The following ZDBF2 variants were observed in gnomAD, a reference collection of about 807,000 sequenced individuals.
ZDBF2 encodes the protein DBF4-type zinc finger-containing protein 2.
A neutral mutation model predicts 9.4 loss-of-function variants in ZDBF2; 6 were observed. The observed-to-expected ratio is 0.64, with a 90% CI of 0.35 to 1.27. The LOEUF is 1.27. Among genes scored for constraint, ZDBF2 ranks in the 50% most tolerant of loss-of-function variants. The pLI, the probability that ZDBF2 is intolerant of heterozygous loss-of-function variation, is 0.03. For missense variants in ZDBF2, 2,697 were observed against 2,766.8 expected (o/e 0.97, Z 0.57); for synonymous variants, 905 against 946.3 (o/e 0.96, Z 0.80).
chr2:206,276,348 G>A (rs1385941648), intron 1 of ZDBF2, among the ~76,000 whole-genome samples: 1 of 152,030 alleles, frequency 6.6e-6, no homozygotes, highest in East Asian at 1.9e-4. Flanking sequence ...GTGTGTGCTC[G>A]GTTGTAATTA....
chr2:206,310,369 G>T lies in ZDBF2; in HGVS notation c.5841G>T (p.Gln1947His), dbSNP rs1333530847. 1.2e-6 allele frequency: 2 copies of T among 1,613,916 alleles called. No homozygotes were observed. The highest frequency in any genetic ancestry group is 3.3e-5 in the Admixed American group (2 of 60,010). Residue 1947 changes from glutamine (Q) to histidine (H), a missense_variant, in exon 5 of 5, where the codon CAG becomes CAT. Physicochemically the swap from Gln to His is conservative, Grantham distance 24. Around this residue, in one of 3 missense-constraint regions of ZDBF2, gnomAD observed 1,783 missense variants for 1,776.5 expected, o/e 1.00. Transcript: ENST00000374423. ...CQTAKISHST[Q>H]TSCKNYPVMK... ...CAGCGAAAATCAGCCATAGTACTCA[G>T]ACCAGTTGTAAGAATTACCCAGTGA...
chr2:206,299,645 T>A (rs1305892379), intron 4 of ZDBF2, among the ~76,000 whole-genome samples: 3 of 151,272 alleles, frequency 2.0e-5, no homozygotes, highest in East Asian at 2.0e-4. Flanking sequence ...AAAAAGATTT[T>A]AAAAAACCAC....
In ZDBF2 at chr2:206,311,358, C is replaced by T. The variant is rs752299750; in HGVS notation, c.6830C>T (p.Ala2277Val). The change falls in exon 5 of 5, where the codon GCT becomes GTT. Residue 2277 changes from alanine (A) to valine (V), a missense_variant. Transcript: ENST00000374423. ...KVLLNSSVPP[A>V]GAEELSSAMA... Reference sequence around the variant, plus strand: ...CTTTTGAACTCTTCAGTTCCACCAGCTGGTGCCGAAGAGCTGTCAAGCGCT... The same window carrying T: ...CTTTTGAACTCTTCAGTTCCACCAGTTGGTGCCGAAGAGCTGTCAAGCGCT... 1.9e-6 allele frequency: 3 copies of T among 1,605,540 alleles called. No homozygotes were observed. The African/African-American group carries it at 4.0e-5, about 21-fold the overall frequency.
In ZDBF2 at chr2:206,299,498, CCT is replaced by C. The variant is rs148671718; in HGVS notation, c.188+2126_188+2127del. On this transcript the variant is annotated intron_variant, in intron 4 of 4. Transcript: ENST00000374423. ...CCAGCCTGGCCAACATGGTGAAACC[CCT>C]GTCTCTACTAAAAATACAAAAATTA... Among the ~76,000 whole-genome samples, 448 of 151,560 alleles carry C rather than the reference CCT, an allele frequency of 3.0e-3. 1 individual carries two copies. The highest frequency in any genetic ancestry group is 9.9e-3 in the African/African-American group (410 of 41,334).
chr2:206,310,000 T>C lies in ZDBF2; in HGVS notation c.5472T>C (p.Pro1824=). The C allele has an allele frequency of 6.2e-7, 1 of 1,613,002 alleles. No homozygotes were observed. The highest frequency in any genetic ancestry group is 8.5e-7 in the Non-Finnish European group (1 of 1,179,676). ...TTCTTGAAGCCTTGCCTCATGTACC[T>C]CCTTCATTTGTGGGGAAAACATGGT... ...EPVLEALPHV[P]PSFVGKTWSQ... Residue 1824 remains proline, a synonymous_variant, in exon 5 of 5, where the codon CCT becomes CCC. Coordinates refer to ENST00000374423, the MANE Select transcript of ZDBF2 (RefSeq NM_020923.3).
intron 2 of ZDBF2, 50 bp from the exon 3 acceptor site, chr2:206,281,751 C>A: frequency 8.8e-7 from 1 of 1,141,154 alleles, no homozygotes; most frequent in Non-Finnish European, 1.3e-6. Context: ...CCATTTTCCT[C>A]ATAAGAGTAA....
intron 4 of ZDBF2, among the ~76,000 whole-genome samples, chr2:206,303,660 G>A (rs185990785): frequency 3.3e-5 from 5 of 152,228 alleles, no homozygotes; most frequent in Admixed American, 2.0e-4. Flanking sequence ...CACAGTGCAC[G>A]TTCAAAAGTA....
At chr2:206,284,513 G>A (rs576430225) in intron 3 of ZDBF2, among the ~76,000 whole-genome samples, 87 of 152,236 alleles carry the variant, frequency 5.7e-4, no homozygotes, top group African/African-American at 2.0e-3. Context: ...TCATCCTACA[G>A]TGTTGTATAG....
intron 3 of ZDBF2, among the ~76,000 whole-genome samples, chr2:206,288,960 G>A (rs1691743210): frequency 6.6e-6 from 1 of 152,082 alleles, no homozygotes; most frequent in Admixed American, 6.5e-5. Context: ...TAGACCCAGG[G>A]TAGGGCAGGG....
chr2:206,306,956 T>G lies in ZDBF2; in HGVS notation c.2428T>G (p.Tyr810Asp), dbSNP rs1418692393. The change falls in exon 5 of 5, where the codon TAT becomes GAT. Residue 810 changes from tyrosine to aspartate, a missense_variant. Physicochemically the swap from Tyr to Asp is radical, Grantham distance 160. This residue lies in a region of ZDBF2 where 910 missense variants were observed against 973.6 expected (regional missense o/e 0.93). Transcript: ENST00000374423. ...SVIDQPEVAVYEEETVDLESK... is the reference protein window; with the variant it reads ...SVIDQPEVAVDEEETVDLESK... Reference sequence around the variant, plus strand: ...AATTGACCAACCTGAAGTAGCTGTTTATGAGGAAGAAACTGTTGATCTGGA... The same window carrying G: ...AATTGACCAACCTGAAGTAGCTGTTGATGAGGAAGAAACTGTTGATCTGGA... 6.2e-7 allele frequency: 1 copy of G among 1,613,674 alleles called. No homozygotes were observed. The highest frequency in any genetic ancestry group is 8.5e-7 in the Non-Finnish European group (1 of 1,179,746).
intron 3 of ZDBF2, among the ~76,000 whole-genome samples, chr2:206,283,383 G>GTTT (rs148382880): frequency 6.7e-6 from 1 of 149,526 alleles, no homozygotes; most frequent in Non-Finnish European, 1.5e-5. Flanking sequence ...TGTCTGTTTT[G>GTTT]TTTTTTGTTG....
chr2:206,291,155 G>A (rs897013420), intron 3 of ZDBF2, among the ~76,000 whole-genome samples: 6 of 152,134 alleles, frequency 3.9e-5, no homozygotes, highest in African/African-American at 1.4e-4. Context: ...TTAAATCAGC[G>A]GTCCTCAACC....
intron 1 of ZDBF2, among the ~76,000 whole-genome samples, chr2:206,278,729 T>C (rs1183565006): frequency 1.3e-5 from 2 of 152,222 alleles, no homozygotes; most frequent in East Asian, 3.8e-4. Flanking sequence ...TTCCAGTATC[T>C]GGTTAAAAAA....
At chr2:206,296,369 T>G (rs55729324) in intron 3 of ZDBF2, among the ~76,000 whole-genome samples, 76,688 of 152,120 alleles carry the variant, frequency 0.5, 20,491 homozygotes, top group Non-Finnish European at 0.6. Context: ...AGTAGCTGTC[T>G]TGGTTATTAG....
At position 206,309,472 on chromosome 2, in the gene ZDBF2, GA is replaced by G; in HGVS notation, c.4947del (p.Lys1649AsnfsTer50). ...CACAAGGACCTGATGAGAAAATGGT[GA>G]AATATATTGATTCAGAAGATAAGAG... ...ESQGPDEKMVKYIDSEDKSCG... is the reference protein window; with the variant it reads ...ESQGPDEKMVXYIDSEDKSCG... On this transcript the variant is annotated frameshift_variant, in exon 5 of 5. Coordinates refer to ENST00000374423, the MANE Select transcript of ZDBF2 (RefSeq NM_020923.3). LOFTEE classifies it low-confidence loss of function (END_TRUNC). The G allele has an allele frequency of 6.2e-7, 1 of 1,613,852 alleles. No individual in the cohort carries two copies. The highest frequency in any genetic ancestry group is 8.5e-7 in the Non-Finnish European group (1 of 1,179,872).
chr2:206,311,163 C>A lies in ZDBF2; in HGVS notation c.6635C>A (p.Ser2212Ter), dbSNP rs754509550. The change falls in exon 5 of 5, where the codon TCA (serine) becomes TAA (stop). Residue 2212 changes from serine (S) to a stop codon, truncating the protein, a stop_gained. Transcript: ENST00000374423. LOFTEE classifies it low-confidence loss of function (END_TRUNC). ...QKPRKASEKQSIWIRTKPSDI... is the reference protein window; with the variant it reads ...QKPRKASEKQ The stretch of plus-strand genomic sequence containing the variant: ...CCCAGAAAAGCTTCAGAGAAACAGT[C>A]AATTTGGATTCGGACCAAACCAAGT... The A allele has an allele frequency of 6.2e-7, 1 of 1,612,984 alleles. No individual in the cohort carries two copies. The highest frequency in any genetic ancestry group is 8.5e-7 in the Non-Finnish European group (1 of 1,179,676).
intron 4 of ZDBF2, among the ~76,000 whole-genome samples, chr2:206,303,911 A>G (rs1692632067): frequency 6.6e-6 from 1 of 152,144 alleles, no homozygotes; most frequent in South Asian, 2.1e-4. Context: ...ACCACATTGT[A>G]TTCCATTAAA....
chr2:206,310,487 A>G lies in ZDBF2; in HGVS notation c.5959A>G (p.Ile1987Val). ...CAGAAAAACCAAAAAGAAAGTCAAAATTGGGACAGTTGAATTTCCTGCATC... is the reference window on the plus strand; with the variant it reads ...CAGAAAAACCAAAAAGAAAGTCAAAGTTGGGACAGTTGAATTTCCTGCATC... ...DDRKTKKKVKIGTVEFPASCT... is the reference protein window; with the variant it reads ...DDRKTKKKVKVGTVEFPASCT... The change falls in exon 5 of 5, where the codon ATT becomes GTT. Residue 1987 changes from isoleucine to valine, a missense_variant. Around this residue, in one of 3 missense-constraint regions of ZDBF2, gnomAD observed 1,783 missense variants for 1,776.5 expected, o/e 1.00. Transcript: ENST00000374423. 2 of 1,613,630 alleles carry G rather than the reference A, an allele frequency of 1.2e-6. No homozygotes were observed. Among genetic ancestry groups the G allele is most frequent in the Non-Finnish European group, 1.7e-6 (2 of 1,179,838 alleles).
At position 206,309,882 on chromosome 2, in the gene ZDBF2, A is replaced by G. The variant is rs761666668; in HGVS notation, c.5354A>G (p.His1785Arg). The stretch of plus-strand genomic sequence containing the variant: ...TCTTCTGACTTGAAAGAAAAGAACC[A>G]TGATTCCCAGTCAAGCTCTGTTCTC... The part of the protein sequence containing the change: ...KVSSDLKEKN[H>R]DSQSSSVLKV... The change falls in exon 5 of 5, where the codon CAT becomes CGT. Residue 1785 changes from histidine to arginine, a missense_variant. Coordinates refer to ENST00000374423, the MANE Select transcript of ZDBF2 (RefSeq NM_020923.3). 3 of 1,613,864 alleles carry G rather than the reference A, an allele frequency of 1.9e-6. No homozygotes were observed. The highest frequency in any genetic ancestry group is 1.7e-5 in the Admixed American group (1 of 59,996).
Sources: gnomAD v4.1 joint callset for allele counts (sites outside exome capture counted in the v4.1 genomes callset) on GRCh38, gnomAD v4.1.1 for gene constraint, gnomAD v4.1.1 regional missense constraint, MANE v1.5 for transcripts, NCBI Gene and HGNC (gene_info 2026-07-23, HGNC 2026-07-21) for gene names.